SLC8A3: variants seen among roughly 807,000 people sequenced by gnomAD.
The protein encoded by SLC8A3 is sodium/calcium exchanger 3.
Under a neutral mutation model 65.4 loss-of-function variants are expected in SLC8A3, and 37 were observed. The observed-to-expected ratio is 0.57, with a 90% CI of 0.44 to 0.74. The LOEUF is 0.74. Ranked by LOEUF, SLC8A3 falls within the 30% of genes least tolerant of loss-of-function variation. SLC8A3 has a pLI of 0.00. For missense variants in SLC8A3, 1,112 were observed against 1,172.1 expected, an observed-to-expected ratio of 0.95 and a Z score of 0.75; for synonymous variants, 461 against 444.5, an observed-to-expected ratio of 1.04 and a Z score of -0.47.
At chr14:70,070,833 C>T (rs1173362959) in intron 2 of SLC8A3, among the ~76,000 whole-genome samples, 4 of 152,148 alleles carry the variant, frequency 2.6e-5, no homozygotes, top group Non-Finnish European at 5.9e-5. Context: ...ACCAGCTTCC[C>T]AGGAATAAAG....
intron 1 of SLC8A3, among the ~76,000 whole-genome samples, chr14:70,171,872 A>G (rs1171140502): frequency 6.6e-6 from 1 of 152,184 alleles, no homozygotes; most frequent in African/African-American, 2.4e-5. Context: ...AGTTTTTGAA[A>G]TTGAAGGTGG....
At position 70,060,903 on chromosome 14, in the gene SLC8A3, T is replaced by C; in HGVS notation, c.1821A>G (p.Glu607=). ...TGAAGAAATTCTCTTGCCTTTCGTA[T>C]TCCTCCTCATCTACTATTTTAACCC... ...TIRVKIVDEE[E]YERQENFFIA... The change falls in exon 3 of 7, where the codon GAA becomes GAG. Residue 607 remains glutamate (E), a synonymous_variant. Transcript: ENST00000356921. 6.6e-7 allele frequency: 1 copy of C among 1,522,638 alleles called. No homozygotes were observed. The highest frequency in any genetic ancestry group is 8.8e-7 in the Non-Finnish European group (1 of 1,137,518). The allele number at this position is 1,522,638 out of a possible 1,614,324, so 94.3% of individuals were successfully genotyped here. A position where few individuals can be genotyped will look rare whatever the true frequency, so the allele number is the denominator to read the frequency against.
intron 2 of SLC8A3, among the ~76,000 whole-genome samples, chr14:70,066,362 C>A (rs1343473555): frequency 6.6e-6 from 1 of 152,176 alleles, no homozygotes; most frequent in East Asian, 1.9e-4. Context: ...TTGTTCTTTC[C>A]CATTTCTGTC....
chr14:70,164,676 A>AACTACCTATCCGTGACATGGGTAG (rs1897069347), intron 2 of SLC8A3, among the ~76,000 whole-genome samples: 1 of 152,220 alleles, frequency 6.6e-6, no homozygotes, highest in Non-Finnish European at 1.5e-5. Context: ...ATCTCTGAAA[A>AACTACCTATCCGTGACATGGGTAG]ACTACCTATC....
intron 1 of SLC8A3, among the ~76,000 whole-genome samples, chr14:70,177,628 C>A (rs1897987583): frequency 6.6e-6 from 1 of 152,128 alleles, no homozygotes. Flanking sequence ...GGCATGGAAG[C>A]CCGAACAAGC....
chr14:70,117,028 T>G (rs1053901311), intron 2 of SLC8A3, among the ~76,000 whole-genome samples: 1 of 152,282 alleles, frequency 6.6e-6, no homozygotes, highest in South Asian at 2.1e-4. Context: ...CATAGCTTGA[T>G]TTTTTTAAAA....
At chr14:70,169,600 G>A (rs980690573) in intron 1 of SLC8A3, among the ~76,000 whole-genome samples, 1 of 141,286 alleles carries the variant, frequency 7.1e-6, no homozygotes, top group Non-Finnish European at 1.5e-5. Flanking sequence ...AAATGCAATT[G>A]AAACTATTAT....
intron 2 of SLC8A3, among the ~76,000 whole-genome samples, chr14:70,135,833 G>A (rs1257017102): frequency 6.6e-6 from 1 of 152,126 alleles, no homozygotes; most frequent in Admixed American, 6.5e-5. Flanking sequence ...TCTAGTATTC[G>A]ATAGTACAGC....
intron 4 of SLC8A3, among the ~76,000 whole-genome samples, chr14:70,051,406 C>G (rs1887492391): frequency 6.6e-6 from 1 of 152,206 alleles, no homozygotes; most frequent in African/African-American, 2.4e-5. Context: ...CATCCTCCCA[C>G]CTCAGCCTCC....
chr14:70,159,596 G>T (rs1896767656), intron 2 of SLC8A3, among the ~76,000 whole-genome samples: 1 of 152,154 alleles, frequency 6.6e-6, no homozygotes, highest in East Asian at 1.9e-4. Flanking sequence ...TGAAAAGTTG[G>T]ACAGCCAGAA....
intron 2 of SLC8A3, among the ~76,000 whole-genome samples, chr14:70,111,092 GT>G (rs1274509448): frequency 6.6e-6 from 1 of 152,180 alleles, no homozygotes; most frequent in Non-Finnish European, 1.5e-5. Flanking sequence ...CCTCCAAACT[GT>G]TTTCCCTGGT....
chr14:70,087,256 T>C (rs1891502358), intron 2 of SLC8A3, among the ~76,000 whole-genome samples: 1 of 152,232 alleles, frequency 6.6e-6, no homozygotes, highest in Non-Finnish European at 1.5e-5. Flanking sequence ...AAGCATTTAA[T>C]GTGAAGAAGA....
intron 2 of SLC8A3, among the ~76,000 whole-genome samples, chr14:70,094,697 C>A (rs905441305): frequency 6.6e-6 from 1 of 152,216 alleles, no homozygotes; most frequent in Admixed American, 6.5e-5. Flanking sequence ...AATGTCCCCC[C>A]TGCTGTTGAT....
Position 70,182,886 on chromosome 14 carries a change from G to T in SLC8A3, c.-63+5493C>A, listed in dbSNP as rs115902375. On this transcript the variant is annotated intron_variant, in intron 1 of 6. Coordinates refer to ENST00000356921, the MANE Select transcript of SLC8A3 (RefSeq NM_182932.3). ...GGGCAGTTTACCAAAGTAAGGCAAG[G>T]GTGAGCTCCTGGGCACTGTGCAGGA... is the stretch of plus-strand genomic sequence containing the variant. 3.3e-3 allele frequency among the ~76,000 whole-genome samples: 503 copies of T among 152,268 alleles called. 2 individuals carry two copies. The highest frequency in any genetic ancestry group is 0.012 in the African/African-American group (481 of 41,552).
At chr14:70,174,643 C>T (rs1181310177) in intron 1 of SLC8A3, among the ~76,000 whole-genome samples, 2 of 134,558 alleles carry the variant, frequency 1.5e-5, no homozygotes, top group African/African-American at 5.7e-5. Context: ...GCCCCTTGGA[C>T]CAAATCCGTT....
rs1268279017 is a variant in SLC8A3 at position 70,188,623 on chromosome 14, G to C, written c.-307C>G. ...CTGGAGCGCGGGGTCTGGGAGGGAG[G>C]GTGTCTGGGGCCAGGGCGAGGGGCC... On this transcript the variant is annotated 5_prime_UTR_variant, in exon 1 of 7. Transcript: ENST00000356921. 6.6e-6 allele frequency: 1 copy of C among 152,202 alleles called. No homozygotes were observed. The highest frequency in any genetic ancestry group is 2.1e-4 in the South Asian group (1 of 4,830). 9.4% of individuals were successfully genotyped at this position (152,202 alleles called of 1,614,324 possible). A position where few individuals can be genotyped will look rare whatever the true frequency, so the allele number is the denominator to read the frequency against.
rs762823618 is a variant in SLC8A3, at chr14:70,046,473, TGCCGCAAGCAA to T, written c.2390-161_2390-151del. 2.6e-6 allele frequency: 2 copies of T among 755,032 alleles called. No homozygotes were observed. The highest frequency in any genetic ancestry group is 4.2e-6 in the Non-Finnish European group (2 of 479,536). 46.8% of individuals were successfully genotyped at this position (755,032 alleles called of 1,614,324 possible). A position where few individuals can be genotyped will look rare whatever the true frequency, so the allele number is the denominator to read the frequency against. On this transcript the variant is annotated intron_variant, in intron 6 of 6. Coordinates refer to ENST00000356921, the MANE Select transcript of SLC8A3 (RefSeq NM_182932.3). The surrounding 1 kb of genome is among the most constrained non-coding windows in gnomAD (Gnocchi z 4.2). ...GGGGGCCACTCCTAACTCCTAGTTCTGCCGCAAGCAAGCCGTGTGGCCCTGGGTAGGTCACA... is the reference window on the plus strand; with the variant it reads ...GGGGGCCACTCCTAACTCCTAGTTCTGCCGTGTGGCCCTGGGTAGGTCACA...
chr14:70,084,249 G>T (rs1472738536), intron 2 of SLC8A3, among the ~76,000 whole-genome samples: 3 of 152,114 alleles, frequency 2.0e-5, no homozygotes, highest in Admixed American at 6.5e-5. Context: ...AGATGGAGGT[G>T]GTATCTCACA....
chr14:70,106,718 G>A (rs1374762340), intron 2 of SLC8A3, among the ~76,000 whole-genome samples: 8 of 152,094 alleles, frequency 5.3e-5, no homozygotes, highest in Non-Finnish European at 8.8e-5. Context: ...AATTTGATTT[G>A]ATTAAATTCT....
Sources: gnomAD v4.1 joint callset for allele counts (sites outside exome capture counted in the v4.1 genomes callset) on GRCh38, gnomAD v4.1.1 for gene constraint, Gnocchi (gnomAD v3.1) non-coding constraint, MANE v1.5 for transcripts, NCBI Gene and HGNC (gene_info 2026-07-23, HGNC 2026-07-21) for gene names.